The following CNTN5 variants were observed in gnomAD, a reference collection of about 807,000 sequenced individuals.
CNTN5 encodes the protein contactin 5.
Under a neutral mutation model 129.1 loss-of-function variants are expected in CNTN5, and 77 were observed. The observed-to-expected ratio is 0.60, with a 90% CI of 0.50 to 0.72. The LOEUF (loss-of-function observed/expected upper bound fraction) is 0.72. CNTN5 is among the 30% of genes least tolerant of loss of function. The probability of loss-of-function intolerance (pLI) is 0.00; values close to 1 mark genes in which losing one functional copy is unlikely to be tolerated. For missense variants in CNTN5, 1,478 were observed against 1,328.8 expected (o/e 1.11, Z -1.75); for synonymous variants, 509 against 465.6 (o/e 1.09, Z -1.20).
At chr11:100,056,325 C>T (rs1439693741) in intron 9 of CNTN5, among the ~76,000 whole-genome samples, 1 of 151,216 alleles carries the variant, frequency 6.6e-6, no homozygotes, top group East Asian at 1.9e-4. Context: ...TAAAATTCCA[C>T]TATCAAAATA....
At chr11:99,755,595 T>G (rs1944380312) in intron 3 of CNTN5, among the ~76,000 whole-genome samples, 1 of 152,188 alleles carries the variant, frequency 6.6e-6, no homozygotes, top group Non-Finnish European at 1.5e-5. Flanking sequence ...TAAATGTTCT[T>G]TGTACATTTT....
intron 1 of CNTN5, among the ~76,000 whole-genome samples, chr11:99,196,597 G>A (rs527373626): frequency 2.0e-5 from 3 of 151,852 alleles, no homozygotes; most frequent in Non-Finnish European, 4.4e-5. Flanking sequence ...TGAAGTAATT[G>A]AAGTATAATT....
intron 2 of CNTN5, among the ~76,000 whole-genome samples, chr11:99,531,961 A>G (rs10750315): frequency 0.24 from 37,019 of 151,982 alleles, 4,987 homozygotes; most frequent in Non-Finnish European, 0.31. Flanking sequence ...ACCCACACAG[A>G]GTCCCTTCTG....
At chr11:100,033,266 A>G (rs1023763562) in intron 9 of CNTN5, among the ~76,000 whole-genome samples, 1 of 152,220 alleles carries the variant, frequency 6.6e-6, no homozygotes, top group Non-Finnish European at 1.5e-5. Context: ...GGAAAACTAC[A>G]ATAAGAGGTG....
chr11:99,259,274 C>T (rs1003611601), intron 1 of CNTN5, among the ~76,000 whole-genome samples: 1 of 151,666 alleles, frequency 6.6e-6, no homozygotes, highest in Admixed American at 6.6e-5. Flanking sequence ...TGTAAATAAT[C>T]TAGTATTTTT....
intron 3 of CNTN5, among the ~76,000 whole-genome samples, chr11:99,796,510 G>C (rs1301844): frequency 0.59 from 89,547 of 151,784 alleles, 26,976 homozygotes; most frequent in East Asian, 0.72. Context: ...TGCTGGAGCT[G>C]TCCGATGGTC....
At chr11:99,682,165 A>T (rs771867204) in intron 3 of CNTN5, among the ~76,000 whole-genome samples, 1 of 152,114 alleles carries the variant, frequency 6.6e-6, no homozygotes, top group Non-Finnish European at 1.5e-5. Flanking sequence ...GTGAAACTTC[A>T]GTAAGGGAAT....
At chr11:99,524,362 T>C (rs533594623) in intron 2 of CNTN5, among the ~76,000 whole-genome samples, 8 of 152,244 alleles carry the variant, frequency 5.3e-5, no homozygotes, top group African/African-American at 1.4e-4. Context: ...TTCAACATTT[T>C]ATATCTTTGT....
chr11:99,192,120 C>A lies in CNTN5; in HGVS notation c.-209-133226C>A, dbSNP rs185767100. Among the ~76,000 whole-genome samples, 7 of 151,078 alleles carry A rather than the reference C, an allele frequency of 4.6e-5. No individual in the cohort carries two copies. In the East Asian group the frequency reaches 1.4e-3, roughly 29 times the overall value. On this transcript the variant is annotated intron_variant, in intron 1 of 24. Coordinates refer to ENST00000524871, the MANE Select transcript of CNTN5 (RefSeq NM_014361.4). ...AACGTCATTTGTAAAAGTCAGCATGCTTTAATGTTAATGGATGGACTAGTT... is the reference window on the plus strand; with the variant it reads ...AACGTCATTTGTAAAAGTCAGCATGATTTAATGTTAATGGATGGACTAGTT...
intron 3 of CNTN5, among the ~76,000 whole-genome samples, chr11:99,658,718 A>ATAT (rs55644222): frequency 0.014 from 1,723 of 123,974 alleles, 35 homozygotes; most frequent in African/African-American, 0.044. Flanking sequence ...CTAAAAAAAA[A>ATAT]ATATATATAT....
At chr11:99,289,618 A>G (rs149322319) in intron 1 of CNTN5, among the ~76,000 whole-genome samples, 233 of 151,884 alleles carry the variant, frequency 1.5e-3, no homozygotes, top group Middle Eastern at 3.4e-3. Flanking sequence ...TTCTACTTTG[A>G]TCATCATCCC....
intron 3 of CNTN5, among the ~76,000 whole-genome samples, chr11:99,577,709 T>C (rs992892573): frequency 2.6e-5 from 4 of 152,116 alleles, no homozygotes; most frequent in Admixed American, 6.5e-5. Flanking sequence ...CATAGACATA[T>C]ATATTGAAAA....
chr11:100,220,549 A>G (rs2138616779), intron 15 of CNTN5, among the ~76,000 whole-genome samples: 1 of 152,300 alleles, frequency 6.6e-6, no homozygotes, highest in South Asian at 2.1e-4. Context: ...TACTCTAGCT[A>G]TGGAAAATAT....
chr11:99,325,923 A>C (rs1440724995), intron 2 of CNTN5, among the ~76,000 whole-genome samples: 4 of 152,172 alleles, frequency 2.6e-5, no homozygotes, highest in African/African-American at 9.7e-5. Context: ...ACAATGCTTA[A>C]AGTTAAATAA....
chr11:100,246,843 T>C (rs990353788), intron 16 of CNTN5, among the ~76,000 whole-genome samples: 4 of 152,198 alleles, frequency 2.6e-5, no homozygotes, highest in African/African-American at 9.6e-5. Context: ...ATAAAAATTA[T>C]TAATTCAATG....
At chr11:99,725,148 C>A (rs1943295450) in intron 3 of CNTN5, among the ~76,000 whole-genome samples, 1 of 152,176 alleles carries the variant, frequency 6.6e-6, no homozygotes, top group African/African-American at 2.4e-5. Context: ...TCACAGTCTT[C>A]CCTCATCATC....
chr11:99,215,813 T>C (rs1860086000), intron 1 of CNTN5, among the ~76,000 whole-genome samples: 1 of 152,196 alleles, frequency 6.6e-6, no homozygotes, highest in African/African-American at 2.4e-5. Flanking sequence ...CTGGGAGATC[T>C]TGTTCAAAGG....
chr11:99,258,816 G>A (rs888088850), intron 1 of CNTN5, among the ~76,000 whole-genome samples: 1 of 151,862 alleles, frequency 6.6e-6, no homozygotes, highest in African/African-American at 2.4e-5. Context: ...GTAAAAAGTT[G>A]TGATTAGGAA....
At chr11:100,074,052 C>T in intron 12 of CNTN5, 92 bp from the exon 13 acceptor site, 1 of 1,221,738 alleles carries the variant, frequency 8.2e-7, no homozygotes. Context: ...GAAATGCCTC[C>T]CAGAAGAAAA....
Sources: allele counts gnomAD v4.1 joint callset (sites outside exome capture counted in the v4.1 genomes callset), GRCh38; gene constraint gnomAD v4.1.1; transcripts MANE v1.5; gene names NCBI Gene and HGNC (gene_info 2026-07-23, HGNC 2026-07-21).